Variants in CACNA1D observed in about 807,000 individuals in gnomAD.
CACNA1D encodes calcium voltage-gated channel subunit alpha1 D.
Under a neutral mutation model 257.1 loss-of-function variants are expected in CACNA1D, and 55 were observed. That is an observed-to-expected ratio of 0.21 (90% CI 0.17 to 0.27). The LOEUF (loss-of-function observed/expected upper bound fraction) is 0.27, where lower values mean the gene tolerates loss of function less well. Ranked by LOEUF, CACNA1D falls within the 10% of genes least tolerant of loss-of-function variation. CACNA1D has a pLI of 1.00. For missense variants in CACNA1D, 1,876 were observed against 2,784.0 expected (o/e 0.67, Z 7.34); for synonymous variants, 980 against 1,014.9 (o/e 0.97, Z 0.65).
chr3:53,774,545 G>T lies in CACNA1D; in HGVS notation c.4111-42G>T. The stretch of plus-strand genomic sequence containing the variant: ...ATTCACATACGGATTTTTTTTGCAT[G>T]ACGAAATCTATTCTCTTTTTCCTGA... On this transcript the variant is annotated intron_variant, in intron 33 of 47. Coordinates refer to ENST00000350061, the MANE Select transcript of CACNA1D (RefSeq NM_001128840.3). The surrounding 1 kb of genome is among the most constrained non-coding windows in gnomAD (Gnocchi z 4.3). 1 of 1,218,292 alleles carries T rather than the reference G, an allele frequency of 8.2e-7. No homozygotes were observed. Among genetic ancestry groups the T allele is most frequent in the South Asian group, 1.2e-5 (1 of 82,940 alleles). The allele number at this position is 1,218,292 out of a possible 1,614,324, so 75.5% of individuals were successfully genotyped here. A position where few individuals can be genotyped will look rare whatever the true frequency, so the allele number is the denominator to read the frequency against.
At chr3:53,653,863 A>C (rs1450466574) in intron 4 of CACNA1D, among the ~76,000 whole-genome samples, 1 of 50,660 alleles carries the variant, frequency 2.0e-5, no homozygotes, top group Non-Finnish European at 3.3e-5. Context: ...CAAAATAAAC[A>C]TGAAAAAAGC....
In CACNA1D at chr3:53,780,594, C is replaced by G. The variant is rs564347292; in HGVS notation, c.4690+466C>G. On this transcript the variant is annotated intron_variant, in intron 38 of 47. Transcript: ENST00000350061. Reference sequence around the variant, plus strand: ...GTCTGCAAAAGCTCCTTTGCAGTGCCTAGCACACAGTCAGCACTTGAGAAA... The same window carrying G: ...GTCTGCAAAAGCTCCTTTGCAGTGCGTAGCACACAGTCAGCACTTGAGAAA... 2.0e-5 allele frequency among the ~76,000 whole-genome samples: 3 copies of G among 152,326 alleles called. No individual in the cohort carries two copies. In the South Asian group the frequency reaches 6.2e-4, roughly 32 times the overall value.
chr3:53,705,848 C>T (rs768104600), intron 9 of CACNA1D, among the ~76,000 whole-genome samples: 40 of 152,180 alleles, frequency 2.6e-4, no homozygotes, highest in Non-Finnish European at 5.1e-4. Flanking sequence ...CCTGTGGCTG[C>T]CAGCCATTTT....
chr3:53,540,233 C>G (rs2092260341), intron 3 of CACNA1D, among the ~76,000 whole-genome samples: 1 of 152,052 alleles, frequency 6.6e-6, no homozygotes, highest in Non-Finnish European at 1.5e-5. Context: ...ATTCTCCTGC[C>G]TCAGCCTCCT....
At chr3:53,603,657 C>T (rs1290568742) in intron 3 of CACNA1D, among the ~76,000 whole-genome samples, 1 of 152,156 alleles carries the variant, frequency 6.6e-6, no homozygotes, top group Non-Finnish European at 1.5e-5. Context: ...AGTTTATAAT[C>T]CCACTTCATG....
chr3:53,691,797 A>ATATATATTATATAT (rs2094526186), intron 8 of CACNA1D, among the ~76,000 whole-genome samples: 1 of 106,758 alleles, frequency 9.4e-6, no homozygotes, highest in Non-Finnish European at 1.8e-5. Flanking sequence ...TATATATATT[A>ATATATATTATATAT]CATATATAAT....
chr3:53,691,900 CATATATTATATATAAT>C (rs1209005712), intron 8 of CACNA1D, among the ~76,000 whole-genome samples: 6 of 31,772 alleles, frequency 1.9e-4, no homozygotes, highest in Admixed American at 9.2e-4. Flanking sequence ...ATATATATTA[CATATATTATATATAAT>C]ATATATTATA....
intron 35 of CACNA1D, among the ~76,000 whole-genome samples, 175 bp from the exon 36 acceptor site, chr3:53,776,428 C>A (rs2095397570): frequency 6.6e-6 from 1 of 152,118 alleles, no homozygotes; most frequent in Non-Finnish European, 1.5e-5. Context: ...AAAGCCATTC[C>A]AGAAAGCTAG....
At chr3:53,712,944 A>G (rs1222472430) in intron 9 of CACNA1D, among the ~76,000 whole-genome samples, 4 of 152,142 alleles carry the variant, frequency 2.6e-5, no homozygotes, top group Non-Finnish European at 5.9e-5. Context: ...GGGTGCCTTG[A>G]CTGGAGGACT....
chr3:53,718,216 C>A, intron 9 of CACNA1D, 85 bp from the exon 10 acceptor site: 1 of 1,175,794 alleles, frequency 8.5e-7, no homozygotes, highest in South Asian at 1.2e-5. Context: ...GGAGGTCTGC[C>A]TGGTGGCAGA....
At chr3:53,648,133 G>A (rs1257024946) in intron 3 of CACNA1D, among the ~76,000 whole-genome samples, 1 of 152,170 alleles carries the variant, frequency 6.6e-6, no homozygotes, top group African/African-American at 2.4e-5. Flanking sequence ...CTGAAGTATA[G>A]TGTGCTGTCT....
chr3:53,546,786 G>A (rs1269255572), intron 3 of CACNA1D, among the ~76,000 whole-genome samples: 2 of 152,148 alleles, frequency 1.3e-5, no homozygotes, highest in Non-Finnish European at 2.9e-5. Flanking sequence ...CTGCGTCCTA[G>A]CAGTGGGCAA....
At chr3:53,576,727 A>C (rs1221414573) in intron 3 of CACNA1D, among the ~76,000 whole-genome samples, 2 of 152,196 alleles carry the variant, frequency 1.3e-5, no homozygotes, top group African/African-American at 4.8e-5. Flanking sequence ...GGCTGTTACC[A>C]TCTGGTGGAA....
At chr3:53,622,502 T>G (rs1480823691) in intron 3 of CACNA1D, among the ~76,000 whole-genome samples, 20 of 152,218 alleles carry the variant, frequency 1.3e-4, no homozygotes, top group Admixed American at 1.3e-3. Context: ...GCCATTATCC[T>G]TAGCAAACTA....
intron 9 of CACNA1D, among the ~76,000 whole-genome samples, chr3:53,711,707 G>A (rs534027452): frequency 3.3e-5 from 5 of 152,332 alleles, no homozygotes; most frequent in African/African-American, 9.6e-5. Context: ...GTTATGGGAC[G>A]CAGATGGGAA....
chr3:53,726,815 G>C, intron 14 of CACNA1D, 64 bp from the exon 15 acceptor site: 1 of 1,611,752 alleles, frequency 6.2e-7, no homozygotes, highest in Admixed American at 1.7e-5. Context: ...CCACCGAGGG[G>C]CTCTAAGAGA....
chr3:53,780,236 G>A lies in CACNA1D; in HGVS notation c.4690+108G>A, dbSNP rs2095418854. ...TTTCTTGGCCAAGGGGAGGCCCTGG[G>A]GAAGGGGCTGGCAAGTAGAATGAAG... On this transcript the variant is annotated intron_variant, in intron 38 of 47. Coordinates refer to ENST00000350061, the MANE Select transcript of CACNA1D (RefSeq NM_001128840.3). 3 of 866,310 alleles carry A rather than the reference G, an allele frequency of 3.5e-6. No individual in the cohort carries two copies. In the South Asian group the frequency reaches 4.0e-5, roughly 12 times the overall value. 53.7% of individuals were successfully genotyped at this position (866,310 alleles called of 1,614,324 possible). A position where few individuals can be genotyped will look rare whatever the true frequency, so the allele number is the denominator to read the frequency against.
chr3:53,502,092 G>A (rs1422507697), intron 3 of CACNA1D, among the ~76,000 whole-genome samples: 2 of 149,604 alleles, frequency 1.3e-5, no homozygotes. Context: ...TCTTGGGAGT[G>A]GTGGGTACTT....
At chr3:53,676,669 C>T (rs1006811107) in intron 8 of CACNA1D, among the ~76,000 whole-genome samples, 4 of 152,222 alleles carry the variant, frequency 2.6e-5, no homozygotes, top group Non-Finnish European at 4.4e-5. Context: ...TCCTTGGCTC[C>T]GTCATGTGTG....
Sources: gnomAD v4.1 joint callset for allele counts (sites outside exome capture counted in the v4.1 genomes callset) on GRCh38, gnomAD v4.1.1 for gene constraint, Gnocchi (gnomAD v3.1) non-coding constraint, MANE v1.5 for transcripts, NCBI Gene and HGNC (gene_info 2026-07-23, HGNC 2026-07-21) for gene names.